Variants in SNTG1 observed in about 807,000 individuals in gnomAD.
The protein encoded by SNTG1 is gamma-1-syntrophin.
In SNTG1, 39 loss-of-function variants were observed where a neutral mutation model predicts 74.7. That is an observed-to-expected ratio of 0.52 (90% confidence interval 0.40 to 0.68). The LOEUF (loss-of-function observed/expected upper bound fraction) is 0.68, where lower values mean the gene tolerates loss of function less well. SNTG1 is among the 30% of genes least tolerant of loss of function. SNTG1 has a pLI of 0.00. For missense variants in SNTG1, 685 were observed against 609.5 expected (o/e 1.12, Z -1.30); for synonymous variants, 254 against 217.1 (o/e 1.17, Z -1.49).
intron 13 of SNTG1, among the ~76,000 whole-genome samples, chr8:50,635,366 T>C (rs1459389810): frequency 2.0e-5 from 3 of 152,172 alleles, no homozygotes; most frequent in Admixed American, 6.5e-5. Context: ...CTTGTGTCTT[T>C]CCCTTAGGGG....
At chr8:50,192,054 A>C (rs1307115024) in intron 2 of SNTG1, among the ~76,000 whole-genome samples, 1 of 152,128 alleles carries the variant, frequency 6.6e-6, no homozygotes. Flanking sequence ...GAGTCAGAGA[A>C]GCCACAGAGA....
intron 8 of SNTG1, among the ~76,000 whole-genome samples, chr8:50,501,509 C>T (rs746622800): frequency 1.4e-5 from 2 of 142,412 alleles, no homozygotes; most frequent in Non-Finnish European, 1.5e-5. Context: ...GGTCTCAGCT[C>T]GCTGCAACCT....
At chr8:50,074,042 T>C (rs1428643411) in intron 1 of SNTG1, among the ~76,000 whole-genome samples, 2 of 151,534 alleles carry the variant, frequency 1.3e-5, no homozygotes, top group Admixed American at 6.6e-5. Flanking sequence ...CCCCTAACAA[T>C]AGAGTCAGTT....
chr8:50,357,035 C>CT (rs1563936750), intron 2 of SNTG1, among the ~76,000 whole-genome samples: 1 of 152,190 alleles, frequency 6.6e-6, no homozygotes, highest in African/African-American at 2.4e-5. Context: ...GCCTTTGGGC[C>CT]TTAGCACATG....
chr8:49,935,163 T>G (rs878906045), intron 1 of SNTG1, among the ~76,000 whole-genome samples: 4 of 150,934 alleles, frequency 2.7e-5, no homozygotes, highest in Admixed American at 2.0e-4. Context: ...CTTGCTAAAT[T>G]TTAATCTTAT....
In SNTG1 at chr8:50,172,480, A is replaced by G. The variant is rs1283552775; in HGVS notation, c.-102-81A>G. 3 of 152,316 alleles carry G rather than the reference A, an allele frequency of 2.0e-5. No individual in the cohort carries two copies. In the East Asian group the frequency reaches 5.8e-4, roughly 29 times the overall value. 9.4% of individuals were successfully genotyped at this position (152,316 alleles called of 1,614,324 possible). ...GTCTTGTCTTCCTCATGGGTAAAGT[A>G]GATACATTTCGGTGTGTAGATTTCA... On this transcript the variant is annotated intron_variant, in intron 1 of 18. Transcript: ENST00000642720.
Position 50,053,622 on chromosome 8 carries a change from A to AG in SNTG1, c.-102-118939_-102-118938insG, listed in dbSNP as rs1464389210. 9.4e-5 allele frequency among the ~76,000 whole-genome samples: 5 copies of AG among 52,950 alleles called. 1 individual carries two copies. Among genetic ancestry groups the AG allele is most frequent in the South Asian group, 1.2e-3 (2 of 1,658 alleles). 34.7% of individuals were successfully genotyped at this position (52,950 alleles called of 152,430 possible). On this transcript the variant is annotated intron_variant, in intron 1 of 18. Coordinates refer to ENST00000642720, the MANE Select transcript of SNTG1 (RefSeq NM_018967.5). ...ATATGCATATATATAAATATATATA[A>AG]TTGTGTGTGTGTGTGTGTGTGTGTG... is the stretch of plus-strand genomic sequence containing the variant.
chr8:50,259,508 A>AAAAAGAAAGAAAG (rs1554621879), intron 2 of SNTG1, among the ~76,000 whole-genome samples: 147 of 15,708 alleles, frequency 9.4e-3, no homozygotes, highest in Non-Finnish European at 0.014. Context: ...CAAAAAAAAA[A>AAAAAGAAAGAAAG]AAAGAAAGAA....
chr8:50,408,184 G>A (rs1489496850), intron 4 of SNTG1, among the ~76,000 whole-genome samples: 2 of 152,130 alleles, frequency 1.3e-5, no homozygotes, highest in African/African-American at 2.4e-5. Flanking sequence ...CCTTTCATTA[G>A]TTTTACAAAG....
At chr8:50,488,709 C>T (rs2093821471) in intron 8 of SNTG1, among the ~76,000 whole-genome samples, 1 of 152,116 alleles carries the variant, frequency 6.6e-6, no homozygotes, top group South Asian at 2.1e-4. Flanking sequence ...AGACGGGTTC[C>T]AAGAGCCCAG....
At chr8:50,767,596 C>T (rs959152464) in intron 18 of SNTG1, among the ~76,000 whole-genome samples, 3 of 151,792 alleles carry the variant, frequency 2.0e-5, no homozygotes, top group Non-Finnish European at 2.9e-5. Context: ...AAGCCTTGAG[C>T]GGTATTATAG....
intron 18 of SNTG1, among the ~76,000 whole-genome samples, chr8:50,789,877 G>A (rs1277024227): frequency 6.6e-6 from 1 of 151,952 alleles, no homozygotes; most frequent in Non-Finnish European, 1.5e-5. Flanking sequence ...CATGCAAAGT[G>A]TTTTCTTTGA....
intron 1 of SNTG1, among the ~76,000 whole-genome samples, chr8:50,023,792 G>A (rs183537513): frequency 2.4e-4 from 37 of 152,214 alleles, no homozygotes; most frequent in African/African-American, 8.7e-4. Flanking sequence ...AGGAATGAAT[G>A]GCAATTATAA....
chr8:50,310,591 G>A (rs537787040), intron 2 of SNTG1, among the ~76,000 whole-genome samples: 1 of 152,166 alleles, frequency 6.6e-6, no homozygotes, highest in African/African-American at 2.4e-5. Flanking sequence ...GGGAGGCTGA[G>A]GCAGGAGAAT....
chr8:50,269,994 T>C lies in SNTG1; in HGVS notation c.-28+97359T>C, dbSNP rs775005423. Among the ~76,000 whole-genome samples the C allele has an allele frequency of 2.6e-5, 4 of 151,726 alleles. No homozygotes were observed. In the Admixed American group the frequency reaches 2.6e-4, roughly 10 times the overall value. ...TGTGTTTTTAATTCTTGTTTAATCC[T>C]TTCTTTATCATTCCTTATGATTGAA... On this transcript the variant is annotated intron_variant, in intron 2 of 18. Transcript: ENST00000642720.
At chr8:50,216,640 G>T (rs1261148424) in intron 2 of SNTG1, among the ~76,000 whole-genome samples, 1 of 152,046 alleles carries the variant, frequency 6.6e-6, no homozygotes, top group Admixed American at 6.6e-5. Flanking sequence ...TTTTTTCTGG[G>T]TCTAGAATAT....
intron 18 of SNTG1, among the ~76,000 whole-genome samples, chr8:50,773,819 A>T (rs956807177): frequency 8.5e-5 from 13 of 152,178 alleles, no homozygotes; most frequent in African/African-American, 3.1e-4. Flanking sequence ...TCAATTGTGT[A>T]TTACAAATAT....
chr8:50,088,497 T>A (rs1283742312), intron 1 of SNTG1, among the ~76,000 whole-genome samples: 1 of 131,310 alleles, frequency 7.6e-6, no homozygotes, highest in Non-Finnish European at 1.7e-5. Context: ...ATTGTATATC[T>A]AGAAAACCCC....
At chr8:50,386,200 T>A (rs2092571226) in intron 2 of SNTG1, among the ~76,000 whole-genome samples, 1 of 152,104 alleles carries the variant, frequency 6.6e-6, no homozygotes, top group African/African-American at 2.4e-5. Context: ...ATACAATGTG[T>A]TCACAGACTA....
Sources: gnomAD v4.1 joint callset for allele counts (sites outside exome capture counted in the v4.1 genomes callset) on GRCh38, gnomAD v4.1.1 for gene constraint, MANE v1.5 for transcripts, NCBI Gene and HGNC (gene_info 2026-07-23, HGNC 2026-07-21) for gene names.